Variants in AP2A1 observed in about 807,000 individuals in gnomAD.
AP2A1 encodes adaptor related protein complex 2 subunit alpha 1.
AP2A1 carries 21 observed loss-of-function variants against 107.3 expected under a neutral mutation model. The observed-to-expected ratio is 0.20, with a 90% CI of 0.14 to 0.28. AP2A1 has a LOEUF of 0.28. Among genes scored for constraint, AP2A1 ranks in the 10% least tolerant of loss-of-function variants. AP2A1 has a pLI of 1.00. For missense variants in AP2A1, 873 were observed against 1,307.7 expected (o/e 0.67, Z 5.13); for synonymous variants, 602 against 564.8 (o/e 1.07, Z -0.93).
chr19:49,783,289 G>A (rs1354248227), intron 4 of AP2A1, among the ~76,000 whole-genome samples: 2 of 152,132 alleles, frequency 1.3e-5, no homozygotes, highest in Non-Finnish European at 2.9e-5. Context: ...AGGAGTTTGA[G>A]ACCAGCCTGG....
chr19:49,798,940 T>A lies in AP2A1; in HGVS notation c.953T>A (p.Ile318Asn). The change falls in exon 8 of 23, where the codon ATC becomes AAC. Residue 318 changes from isoleucine to asparagine, a missense_variant. Physicochemically the swap from Ile to Asn is moderately radical, Grantham distance 149 (BLOSUM62 -3). Coordinates refer to ENST00000354293, the MANE Select transcript of AP2A1 (RefSeq NM_130787.3). ...CTCTTCGAGACCATCAGCCTCATCA[T>A]CCACTATGACAGGTGCCCGCCTGGG... ...AILFETISLI[I>N]HYDSEPNLLV... 6.4e-7 allele frequency: 1 copy of A among 1,552,678 alleles called. No individual in the cohort carries two copies. Among genetic ancestry groups the A allele is most frequent in the Non-Finnish European group, 8.7e-7 (1 of 1,147,544 alleles).
At chr19:49,789,093 G>A (rs1218504401) in intron 4 of AP2A1, among the ~76,000 whole-genome samples, 3 of 152,182 alleles carry the variant, frequency 2.0e-5, no homozygotes, top group Non-Finnish European at 4.4e-5. Flanking sequence ...CTGCTGGGTG[G>A]CTGCACATCC....
intron 7 of AP2A1, chr19:49,797,291 GAA>G (rs2073224962): frequency 6.6e-6 from 1 of 152,188 alleles, no homozygotes; most frequent in Non-Finnish European, 1.5e-5. Flanking sequence ...TATGCATTAT[GAA>G]AAGTTTCCCA....
chr19:49,805,448 G>T lies in AP2A1; in HGVS notation c.2345-5G>T. Reference sequence around the variant, plus strand: ...TGTCTGGCTTCCTTGACTCCTGGCGGGCACAGCTGGCTGTGCAGACCAAGC... The same window carrying T: ...TGTCTGGCTTCCTTGACTCCTGGCGTGCACAGCTGGCTGTGCAGACCAAGC... On this transcript the variant is annotated splice_region_variant and splice_polypyrimidine_tract_variant and intron_variant, in intron 18 of 22. Coordinates refer to ENST00000354293, the MANE Select transcript of AP2A1 (RefSeq NM_130787.3). The T allele has an allele frequency of 6.5e-7, 1 of 1,531,206 alleles. No homozygotes were observed. The highest frequency in any genetic ancestry group is 8.8e-7 in the Non-Finnish European group (1 of 1,133,554). The allele number at this position is 1,531,206 out of a possible 1,614,324, so 94.9% of individuals were successfully genotyped here.
chr19:49,803,440 G>A (rs2073318543), intron 18 of AP2A1, 64 bp downstream of exon 18: 1 of 1,392,708 alleles, frequency 7.2e-7, no homozygotes, highest in Non-Finnish European at 1.0e-6. Context: ...CCGTGGGGAA[G>A]CCGGCTGACC....
rs560517578 is a variant in AP2A1, at chr19:49,802,981, C to T, written c.2147C>T (p.Pro716Leu). ...PGPEDIGPPI[P>L]EADELLNKFV... is the part of the protein sequence containing the mutation. ...CCTGAGGACATCGGCCCTCCCATTC[C>T]GGAAGCCGATGAGTTGCTGAATAAG... Residue 716 changes from proline (P) to leucine (L), a missense_variant, in exon 16 of 23, where the codon CCG (proline) becomes CTG (leucine). Physicochemically the swap from Pro to Leu is moderately conservative, Grantham distance 98. Transcript: ENST00000354293. 1 of 1,613,440 alleles carries T rather than the reference C, an allele frequency of 6.2e-7. No individual in the cohort carries two copies. The highest frequency in any genetic ancestry group is 2.2e-5 in the East Asian group (1 of 44,856).
chr19:49,801,492 C>T lies in AP2A1; in HGVS notation c.1656C>T (p.Phe552=), dbSNP rs2073278189. Reference sequence around the variant, plus strand: ...CCTACATCAAGTTCATCAACCTCTTCCCCGAGACCAAGGCCACCATCCAGG... The same window carrying T: ...CCTACATCAAGTTCATCAACCTCTTTCCCGAGACCAAGGCCACCATCCAGG... The part of the protein sequence containing the change: ...LSTYIKFINL[F]PETKATIQGV... The change falls in exon 13 of 23, where the codon TTC becomes TTT. Residue 552 remains phenylalanine (F), a synonymous_variant. Coordinates refer to ENST00000354293, the MANE Select transcript of AP2A1 (RefSeq NM_130787.3). The T allele has an allele frequency of 6.2e-7, 1 of 1,613,686 alleles. No homozygotes were observed. Among genetic ancestry groups the T allele is most frequent in the African/African-American group, 1.3e-5 (1 of 74,888 alleles).
chr19:49,782,992 C>T (rs771892018), intron 4 of AP2A1, among the ~76,000 whole-genome samples: 2 of 152,200 alleles, frequency 1.3e-5, no homozygotes, highest in Non-Finnish European at 2.9e-5. Flanking sequence ...CGATAAGAGG[C>T]GTAACTGTGC....
At chr19:49,777,941 G>A (rs1043562107) in intron 1 of AP2A1, among the ~76,000 whole-genome samples, 1 of 151,260 alleles carries the variant, frequency 6.6e-6, no homozygotes, top group Non-Finnish European at 1.5e-5. Context: ...AAAAAGAGAG[G>A]AAATCTATAT....
intron 22 of AP2A1, 110 bp from the exon 23 acceptor site, chr19:49,806,571 T>C: frequency 1.3e-6 from 2 of 1,546,380 alleles, no homozygotes; most frequent in East Asian, 2.3e-5. Flanking sequence ...TCCTGTGTCT[T>C]GTATCACCTT....
Position 49,767,084 on chromosome 19 carries a change from GCTGCTCTGTGCCCTGT to G in AP2A1, c.-48_-33del. 6.3e-7 allele frequency: 1 copy of G among 1,589,188 alleles called. No individual in the cohort carries two copies. Among genetic ancestry groups the G allele is most frequent in the Non-Finnish European group, 8.5e-7 (1 of 1,169,594 alleles). On this transcript the variant is annotated 5_prime_UTR_variant, in exon 1 of 23. Coordinates refer to ENST00000354293, the MANE Select transcript of AP2A1 (RefSeq NM_130787.3). ...GCCCGGTCCCCGCTTGCCAGCCCCC[GCTGCTCTGTGCCCTGT>G]CCGGCCAGGCCTGGAGCCGACACCA...
intron 14 of AP2A1, 32 bp downstream of exon 14, chr19:49,801,921 G>T (rs1047819687): frequency 9.6e-6 from 14 of 1,459,966 alleles, no homozygotes; most frequent in Non-Finnish European, 9.0e-6. Flanking sequence ...CTGCCAGGGT[G>T]CCTGGGGCTG....
At chr19:49,780,391 G>A (rs2084662106) in intron 1 of AP2A1, among the ~76,000 whole-genome samples, 1 of 152,208 alleles carries the variant, frequency 6.6e-6, no homozygotes, top group Admixed American at 6.5e-5. Flanking sequence ...GGGAGGGGTG[G>A]CCCCAGGAAG....
At chr19:49,793,159 C>A in intron 6 of AP2A1, 67 bp downstream of exon 6, 1 of 1,382,774 alleles carries the variant, frequency 7.2e-7, no homozygotes. Context: ...TGACACCCCT[C>A]AGGCCCCCAC....
intron 1 of AP2A1, among the ~76,000 whole-genome samples, chr19:49,773,512 T>C (rs899926696): frequency 1.3e-5 from 2 of 152,194 alleles, no homozygotes; most frequent in Non-Finnish European, 2.9e-5. Context: ...GAATGAATGA[T>C]GGAACCAGTC....
At chr19:49,804,708 G>A (rs960358019) in intron 18 of AP2A1, among the ~76,000 whole-genome samples, 2 of 152,088 alleles carry the variant, frequency 1.3e-5, no homozygotes, top group Admixed American at 6.6e-5. Context: ...TACTTACCAT[G>A]TGCCGGGCAC....
At position 49,803,101 on chromosome 19, in the gene AP2A1, C is replaced by A. The variant is rs746525583; in HGVS notation, c.2172-6C>A. The A allele has an allele frequency of 6.2e-7, 1 of 1,613,990 alleles. No homozygotes were observed. Among genetic ancestry groups the A allele is most frequent in the Admixed American group, 1.7e-5 (1 of 60,022 alleles). On this transcript the variant is annotated splice_region_variant and splice_polypyrimidine_tract_variant and intron_variant, in intron 16 of 22. Coordinates refer to ENST00000354293, the MANE Select transcript of AP2A1 (RefSeq NM_130787.3). ...CCCCGTCATCTTGCGCCCCCTGCCC[C>A]CTCAGGTTTGTGTGTAAGAACAACG...
Position 49,781,928 on chromosome 19 carries a change from C to T in AP2A1, c.137-19C>T, listed in dbSNP as rs1323627817. ...CCTTCCTTATTTCTGGCTCCCCTTT[C>T]CTCCTTCCTCTGCCCTAGGAGACAA... On this transcript the variant is annotated intron_variant, in intron 2 of 22. Coordinates refer to ENST00000354293, the MANE Select transcript of AP2A1 (RefSeq NM_130787.3). 1 of 1,608,694 alleles carries T rather than the reference C, an allele frequency of 6.2e-7. No homozygotes were observed. Among genetic ancestry groups the T allele is most frequent in the East Asian group, 2.2e-5 (1 of 44,504 alleles).
At chr19:49,787,029 C>T (rs894092294) in intron 4 of AP2A1, among the ~76,000 whole-genome samples, 1 of 152,128 alleles carries the variant, frequency 6.6e-6, no homozygotes, top group South Asian at 2.1e-4. Context: ...TTTTTGGAGA[C>T]AGGGTCTTGC....
Sources: gnomAD v4.1 joint callset for allele counts (sites outside exome capture counted in the v4.1 genomes callset) on GRCh38, gnomAD v4.1.1 for gene constraint, MANE v1.5 for transcripts, NCBI Gene and HGNC (gene_info 2026-07-23, HGNC 2026-07-21) for gene names.